ADGB: variants seen among roughly 807,000 people sequenced by gnomAD.
The protein encoded by ADGB is calpain-7-like protein.
ADGB carries 172 observed loss-of-function variants against 210.5 expected under a neutral mutation model. The ratio of observed to expected loss-of-function variants is 0.82; its 90% CI spans 0.72 to 0.93. The LOEUF (loss-of-function observed/expected upper bound fraction) is 0.93, where lower values mean the gene tolerates loss of function less well. Ranked by LOEUF, ADGB falls within the 40% of genes least tolerant of loss-of-function variation. ADGB has a pLI of 0.00. For missense variants in ADGB, 2,025 were observed against 1,964.8 expected, an observed-to-expected ratio of 1.03 and a Z score of -0.58; for synonymous variants, 658 against 662.7, an observed-to-expected ratio of 0.99 and a Z score of 0.11.
chr6:146,685,355 A>G (rs1776216266), intron 9 of ADGB, among the ~76,000 whole-genome samples: 1 of 152,072 alleles, frequency 6.6e-6, no homozygotes, highest in African/African-American at 2.4e-5. Context: ...AGTTCAACAT[A>G]GAATAAAGAT....
At chr6:146,740,947 T>C (rs1777156079) in intron 24 of ADGB, among the ~76,000 whole-genome samples, 171 bp from the exon 25 acceptor site, 1 of 152,138 alleles carries the variant, frequency 6.6e-6, no homozygotes, top group Admixed American at 6.5e-5. Flanking sequence ...AGAGTTTGCG[T>C]TTACTTGACA....
intron 5 of ADGB, among the ~76,000 whole-genome samples, chr6:146,657,520 C>T (rs1775802652): frequency 6.6e-6 from 1 of 152,142 alleles, no homozygotes; most frequent in South Asian, 2.1e-4. Flanking sequence ...TGATGTCAGT[C>T]CCATGGGCAC....
chr6:146,611,578 G>A (rs931664965), intron 1 of ADGB, among the ~76,000 whole-genome samples: 2 of 152,146 alleles, frequency 1.3e-5, no homozygotes, highest in Non-Finnish European at 2.9e-5. Context: ...GCTTCCCCCA[G>A]TAGCTGCTCA....
chr6:146,698,917 C>T (rs2114541692), intron 12 of ADGB, among the ~76,000 whole-genome samples: 1 of 152,102 alleles, frequency 6.6e-6, no homozygotes, highest in South Asian at 2.1e-4. Context: ...TCTAATAAAT[C>T]AATGTAATAA....
intron 18 of ADGB, chr6:146,724,704 A>C (rs1776869037): frequency 6.6e-6 from 1 of 152,660 alleles, no homozygotes; most frequent in South Asian, 2.1e-4. Flanking sequence ...TCACCAATAT[A>C]ATACTTAGCA....
intron 27 of ADGB, among the ~76,000 whole-genome samples, chr6:146,757,307 T>C (rs1382716539): frequency 6.6e-6 from 1 of 151,948 alleles, no homozygotes; most frequent in Non-Finnish European, 1.5e-5. Context: ...GTAGATTTGG[T>C]TTACAATTAT....
chr6:146,684,085 T>A (rs1776191500), intron 9 of ADGB, among the ~76,000 whole-genome samples: 1 of 152,084 alleles, frequency 6.6e-6, no homozygotes, highest in Non-Finnish European at 1.5e-5. Flanking sequence ...GAAACTCAGC[T>A]GACTTTTTGT....
chr6:146,809,823 AT>A (rs1258256582), intron 35 of ADGB, among the ~76,000 whole-genome samples: 1 of 152,244 alleles, frequency 6.6e-6, no homozygotes, highest in Non-Finnish European at 1.5e-5. Flanking sequence ...TAGATTAAAG[AT>A]TTAAATGTAA....
intron 22 of ADGB, among the ~76,000 whole-genome samples, 196 bp from the exon 23 acceptor site, chr6:146,736,302 C>T (rs1777077531): frequency 6.6e-6 from 1 of 152,100 alleles, no homozygotes; most frequent in Non-Finnish European, 1.5e-5. Flanking sequence ...AACAGCATAA[C>T]ACGGTGAGCA....
intron 2 of ADGB, among the ~76,000 whole-genome samples, chr6:146,641,953 C>T (rs1020763227): frequency 6.6e-6 from 1 of 152,058 alleles, no homozygotes; most frequent in African/African-American, 2.4e-5. Context: ...AAACTATCAA[C>T]AGAGTAAACA....
chr6:146,784,573 G>C, intron 30 of ADGB, 45 bp from the exon 31 acceptor site: 1 of 1,417,758 alleles, frequency 7.1e-7, no homozygotes, highest in Non-Finnish European at 9.3e-7. Context: ...AGACCCTTTT[G>C]AAAGAAGGAA....
chr6:146,761,381 G>A (rs1257500835), intron 27 of ADGB, among the ~76,000 whole-genome samples: 1 of 151,926 alleles, frequency 6.6e-6, no homozygotes, highest in Non-Finnish European at 1.5e-5. Flanking sequence ...TGACATTTTA[G>A]TCAAAAGTCA....
At chr6:146,732,456 T>C (rs1024824119) in intron 20 of ADGB, among the ~76,000 whole-genome samples, 1 of 152,086 alleles carries the variant, frequency 6.6e-6, no homozygotes, top group Non-Finnish European at 1.5e-5. Flanking sequence ...AGAGCCCAGG[T>C]GGTTGGTTCA....
At chr6:146,640,008 A>C (rs190644467) in intron 2 of ADGB, among the ~76,000 whole-genome samples, 28 of 152,004 alleles carry the variant, frequency 1.8e-4, no homozygotes, top group African/African-American at 6.7e-4. Flanking sequence ...AAAATAGGCC[A>C]CTAGCTAGGC....
Position 146,792,261 on chromosome 6 carries a change from C to T in ADGB, c.4537+3651C>T, listed in dbSNP as rs572641249. 6.2e-4 allele frequency among the ~76,000 whole-genome samples: 95 copies of T among 152,214 alleles called. 3 individuals are homozygous for T. In the South Asian group the frequency reaches 0.015, roughly 23 times the overall value. The stretch of plus-strand genomic sequence containing the variant: ...TCTTTTTGTCTACTTCTCTGAAGAA[C>T]GACATTAGAATTTTGGTAGGGATTG... On this transcript the variant is annotated intron_variant, in intron 33 of 35. Coordinates refer to ENST00000397944, the MANE Select transcript of ADGB (RefSeq NM_024694.4).
chr6:146,702,628 TTAAA>T (rs1299193757), intron 13 of ADGB, among the ~76,000 whole-genome samples: 1 of 151,876 alleles, frequency 6.6e-6, no homozygotes, highest in Non-Finnish European at 1.5e-5. Context: ...CTACTCAAAA[TTAAA>T]TAATCTTAAA....
rs1209353156 is a variant in ADGB at position 146,721,402 on chromosome 6, G to T, written c.1993-1G>T. ...ATGACAACTGGTCTAATTTCTTGCAGTTCTCAGAAGAACGAGTGTCCTACT... is the reference window on the plus strand; with the variant it reads ...ATGACAACTGGTCTAATTTCTTGCATTTCTCAGAAGAACGAGTGTCCTACT... On this transcript the variant is annotated splice_acceptor_variant, in intron 16 of 35. Coordinates refer to ENST00000397944, the MANE Select transcript of ADGB (RefSeq NM_024694.4). LOFTEE classifies it high-confidence loss of function. 6.5e-7 allele frequency: 1 copy of T among 1,533,090 alleles called. No individual in the cohort carries two copies. The allele number at this position is 1,533,090 out of a possible 1,614,324, so 95.0% of individuals were successfully genotyped here. A position where few individuals can be genotyped will look rare whatever the true frequency, so the allele number is the denominator to read the frequency against.
chr6:146,779,753 A>G (rs900997212), intron 29 of ADGB, among the ~76,000 whole-genome samples: 50 of 151,974 alleles, frequency 3.3e-4, no homozygotes, highest in Admixed American at 7.9e-4. Flanking sequence ...ATATCCCAGA[A>G]AAAAAAACAA....
At chr6:146,654,517 T>C (rs141340916) in intron 4 of ADGB, among the ~76,000 whole-genome samples, 8 of 152,090 alleles carry the variant, frequency 5.3e-5, no homozygotes, top group African/African-American at 1.9e-4. Context: ...CTCCCCCAGC[T>C]AATTTTAAAT....
Sources: gnomAD v4.1 joint callset for allele counts (sites outside exome capture counted in the v4.1 genomes callset) on GRCh38, gnomAD v4.1.1 for gene constraint, MANE v1.5 for transcripts, NCBI Gene and HGNC (gene_info 2026-07-23, HGNC 2026-07-21) for gene names.